CDHR5: variants seen among roughly 807,000 people sequenced by gnomAD.
CDHR5 encodes cadherin-related family member 5.
In CDHR5, 82 loss-of-function variants were observed where a neutral mutation model predicts 69.5. That is an observed-to-expected ratio of 1.18 (90% CI 0.99 to 1.42). The LOEUF (loss-of-function observed/expected upper bound fraction) is 1.42. Among genes scored for constraint, CDHR5 ranks in the 40% most tolerant of loss-of-function variants. CDHR5 has a pLI of 0.00. For synonymous variants in CDHR5, 601 were observed against 510.2 expected, an observed-to-expected ratio of 1.18 and a Z score of -2.40; for missense variants, 1,293 against 1,168.9, an observed-to-expected ratio of 1.11 and a Z score of -1.55.
Position 621,910 on chromosome 11 carries a change from G to T in CDHR5, c.313-6C>A, listed in dbSNP as rs776470583. On this transcript the variant is annotated splice_polypyrimidine_tract_variant and splice_region_variant and intron_variant, in intron 3 of 14. Coordinates refer to ENST00000397542, the MANE Select transcript of CDHR5 (RefSeq NM_021924.5). The surrounding 1 kb of genome is among the most constrained non-coding windows in gnomAD (Gnocchi z 4.4). ...AACACCCTTAGCTGGGTCACCTGCA[G>T]GATGTGGCCGTCAGCCTCTCCCACA... 9.9e-6 allele frequency: 16 copies of T among 1,609,756 alleles called. No homozygotes were observed. The Middle Eastern group carries it at 5.0e-4, about 50-fold the overall frequency.
At position 624,092 on chromosome 11, in the gene CDHR5, C is replaced by CGG. The variant is rs556866295; in HGVS notation, c.312+119_312+120dup. On this transcript the variant is annotated intron_variant, in intron 3 of 14. Transcript: ENST00000397542. The surrounding 1 kb of genome is among the most constrained non-coding windows in gnomAD (Gnocchi z 5.3). Reference sequence around the variant, plus strand: ...CTGGAGGAAATGTGGGCATCACCCTCGGGGGGGTGGAATTTGAAACCACAC... The same window carrying CGG: ...CTGGAGGAAATGTGGGCATCACCCTCGGGGGGGGGTGGAATTTGAAACCACAC... The CGG allele has an allele frequency of 4.6e-5, 30 of 649,082 alleles. No homozygotes were observed. The highest frequency in any genetic ancestry group is 2.8e-6 in the Non-Finnish European group (1 of 351,542). 40.2% of individuals were successfully genotyped at this position (649,082 alleles called of 1,614,324 possible). A position where few individuals can be genotyped will look rare whatever the true frequency, so the allele number is the denominator to read the frequency against.
At position 620,347 on chromosome 11, in the gene CDHR5, C is replaced by T; in HGVS notation, c.829G>A (p.Glu277Lys). 2.5e-6 allele frequency: 4 copies of T among 1,612,796 alleles called. No homozygotes were observed. Among genetic ancestry groups the T allele is most frequent in the Non-Finnish European group, 3.4e-6 (4 of 1,179,290 alleles). Residue 277 changes from glutamate (E) to lysine (K), a missense_variant, in exon 8 of 15, where the codon GAG (glutamate) becomes AAG (lysine). Glu to Lys is a moderately conservative substitution (Grantham distance 56, BLOSUM62 1). Transcript: ENST00000397542. ...TGGTTGATGCCGCGGTCTCCGTCCTCAGCGTAGATGGGTCCGGGACGCAGG... is the reference window on the plus strand; with the variant it reads ...TGGTTGATGCCGCGGTCTCCGTCCTTAGCGTAGATGGGTCCGGGACGCAGG... ...LVLRPGPIYAEDGDRGINQPI... is the reference protein window; with the variant it reads ...LVLRPGPIYAKDGDRGINQPI...
At position 619,068 on chromosome 11, in the gene CDHR5, C is replaced by T. The variant is rs555109659; in HGVS notation, c.1491G>A (p.Gly497=). The T allele has an allele frequency of 3.7e-6, 6 of 1,612,696 alleles. No individual in the cohort carries two copies. The East Asian group carries it at 1.3e-4, about 36-fold the overall frequency. The part of the protein sequence containing the change: ...PSQGPSTTSS[G]GGTGPHPPSG... Reference sequence around the variant, plus strand: ...AGGGTGGATGAGGGCCTGTGCCTCCCCCAGAGCTGGTCGTGGAGGGTCCCT... The same window carrying T: ...AGGGTGGATGAGGGCCTGTGCCTCCTCCAGAGCTGGTCGTGGAGGGTCCCT... The change falls in exon 13 of 15, where the codon GGG becomes GGA. Residue 497 remains glycine (G), a synonymous_variant. Transcript: ENST00000397542.
At position 621,677 on chromosome 11, in the gene CDHR5, G is replaced by A. The variant is rs761752875; in HGVS notation, c.406-14C>T. 1 of 1,602,448 alleles carries A rather than the reference G, an allele frequency of 6.2e-7. No homozygotes were observed. The highest frequency in any genetic ancestry group is 2.2e-5 in the East Asian group (1 of 44,824). On this transcript the variant is annotated splice_polypyrimidine_tract_variant and intron_variant, in intron 4 of 14. Coordinates refer to ENST00000397542, the MANE Select transcript of CDHR5 (RefSeq NM_021924.5). The surrounding 1 kb of genome is among the most constrained non-coding windows in gnomAD (Gnocchi z 4.4). The stretch of plus-strand genomic sequence containing the variant: ...CACTTTCGTGTCCTGGGGAGGGAGA[G>A]GGGCTTGGTCCGGCCACACTCTTGG...
chr11:620,603 C>T (rs774756068), intron 7 of CDHR5, among the ~76,000 whole-genome samples: 2 of 152,168 alleles, frequency 1.3e-5, no homozygotes, highest in Non-Finnish European at 2.9e-5. Flanking sequence ...TCCAGTGGCC[C>T]AAAGATACTG....
intron 11 of CDHR5, 21 bp downstream of exon 11, chr11:619,453 C>A (rs781034306): frequency 6.2e-7 from 1 of 1,606,580 alleles, no homozygotes; most frequent in Non-Finnish European, 8.5e-7. Flanking sequence ...CTTGGAGATG[C>A]CCGCCTGCCC....
chr11:621,392 G>C lies in CDHR5; in HGVS notation c.571C>G (p.Leu191Val). 1 of 1,613,058 alleles carries C rather than the reference G, an allele frequency of 6.2e-7. No individual in the cohort carries two copies. Among genetic ancestry groups the C allele is most frequent in the Non-Finnish European group, 8.5e-7 (1 of 1,179,998 alleles). ...NRPALRLDRP[L>V]DFYERPNMTF... ...ATGTTCGGCCGCTCGTAGAAGTCCA[G>C]GGGCCGGTCCAGCCTCAGGGCGGGA... Residue 191 changes from leucine (L) to valine (V), a missense_variant, in exon 6 of 15, where the codon CTG becomes GTG. By Grantham distance (32) the Leu-to-Val change is conservative. Coordinates refer to ENST00000397542, the MANE Select transcript of CDHR5 (RefSeq NM_021924.5). This position sits in a 1 kb window ranked among gnomAD's most constrained non-coding sequence, Gnocchi z 4.4.
Position 618,802 on chromosome 11 carries a change from A to G in CDHR5, c.1757T>C (p.Met586Thr), listed in dbSNP as rs1857157262. The G allele has an allele frequency of 1.2e-5, 19 of 1,538,748 alleles. No individual in the cohort carries two copies. The highest frequency in any genetic ancestry group is 1.7e-5 in the Non-Finnish European group (19 of 1,146,052). Residue 586 changes from methionine (M) to threonine (T), a missense_variant, in exon 13 of 15, where the codon ATG becomes ACG. Coordinates refer to ENST00000397542, the MANE Select transcript of CDHR5 (RefSeq NM_021924.5). The stretch of plus-strand genomic sequence containing the variant: ...TGGTTGGTGGGAGGTGCTGGTTCCC[A>G]TACTGGGGGGCATCGGCTGAGAGGT... ...PGTSQPMPPS[M>T]GTSTSHQPAT...
rs909901636 is a variant in CDHR5 at position 617,688 on chromosome 11, T to G, written c.2201A>C (p.His734Pro). ...ANWAPVPSPTHDPKPAEAPMP... is the reference protein window; with the variant it reads ...ANWAPVPSPTPDPKPAEAPMP... ...CGGTGCCTCCGCGGGCTTGGGGTCG[T>G]GCGTGGGGCTGGGGACGGGCGCCCA... Residue 734 changes from histidine (H) to proline (P), a missense_variant, in exon 15 of 15, where the codon CAC becomes CCC. Coordinates refer to ENST00000397542, the MANE Select transcript of CDHR5 (RefSeq NM_021924.5). The G allele has an allele frequency of 7.5e-6, 11 of 1,471,452 alleles. No homozygotes were observed. In the African/African-American group the frequency reaches 1.4e-4, roughly 19 times the overall value. The allele number at this position is 1,471,452 out of a possible 1,614,324, so 91.1% of individuals were successfully genotyped here.
chr11:624,487 G>A lies in CDHR5; in HGVS notation c.261+70C>T. Reference sequence around the variant, plus strand: ...GCATAGAACTCCTAGGCCCCCAAGGGAGGTGTGGCCTGAGGATGCAGGTGC... The same window carrying A: ...GCATAGAACTCCTAGGCCCCCAAGGAAGGTGTGGCCTGAGGATGCAGGTGC... On this transcript the variant is annotated intron_variant, in intron 2 of 14. Transcript: ENST00000397542. This position sits in a 1 kb window ranked among gnomAD's most constrained non-coding sequence, Gnocchi z 5.3. The A allele has an allele frequency of 6.8e-7, 1 of 1,468,696 alleles. No individual in the cohort carries two copies. Among genetic ancestry groups the A allele is most frequent in the Non-Finnish European group, 9.5e-7 (1 of 1,048,870 alleles). 91.0% of individuals were successfully genotyped at this position (1,468,696 alleles called of 1,614,324 possible).
chr11:617,700 G>A lies in CDHR5; in HGVS notation c.2189C>T (p.Pro730Leu). 1 of 1,463,322 alleles carries A rather than the reference G, an allele frequency of 6.8e-7. No individual in the cohort carries two copies. Among genetic ancestry groups the A allele is most frequent in the Non-Finnish European group, 9.0e-7 (1 of 1,115,064 alleles). 90.6% of individuals were successfully genotyped at this position (1,463,322 alleles called of 1,614,324 possible). A position where few individuals can be genotyped will look rare whatever the true frequency, so the allele number is the denominator to read the frequency against. Reference protein sequence around the residue: ...PDHKANWAPVPSPTHDPKPAE... With the variant: ...PDHKANWAPVLSPTHDPKPAE... ...GGGCTTGGGGTCGTGCGTGGGGCTG[G>A]GGACGGGCGCCCAGTTGGCCTTGTG... The change falls in exon 15 of 15, where the codon CCC (proline) becomes CTC (leucine). Residue 730 changes from proline (P) to leucine (L), a missense_variant. Coordinates refer to ENST00000397542, the MANE Select transcript of CDHR5 (RefSeq NM_021924.5).
At chr11:620,234 GT>G in intron 8 of CDHR5, 61 bp downstream of exon 8, 1 of 1,583,544 alleles carries the variant, frequency 6.3e-7, no homozygotes, top group Non-Finnish European at 8.7e-7. Context: ...TCTGCCCAAG[GT>G]GGGGATGGAG....
chr11:618,499 T>A lies in CDHR5; in HGVS notation c.1960+100A>T, dbSNP rs546057552. The A allele has an allele frequency of 3.6e-4, 499 of 1,389,872 alleles. 1 individual carries two copies. Among genetic ancestry groups the A allele is most frequent in the Non-Finnish European group, 4.7e-4 (469 of 1,007,606 alleles). The allele number at this position is 1,389,872 out of a possible 1,614,324, so 86.1% of individuals were successfully genotyped here. On this transcript the variant is annotated intron_variant, in intron 13 of 14. Coordinates refer to ENST00000397542, the MANE Select transcript of CDHR5 (RefSeq NM_021924.5). ...AAACAGACTCCTCTTTGGGATTTCA[T>A]GGTCAGGCCAGGTCAGCCTGGGGTG...
Position 617,574 on chromosome 11 carries a change from G to A in CDHR5, c.2315C>T (p.Thr772Met), listed in dbSNP as rs146458539. The part of the protein sequence containing the change: ...PAAARAGGSP[T>M]AVRSILTKER... Reference sequence around the variant, plus strand: ...CTTGGTCAGGATGGACCTCACCGCCGTGGGGCTTCCGCCAGCTCGGGCCGC... The same window carrying A: ...CTTGGTCAGGATGGACCTCACCGCCATGGGGCTTCCGCCAGCTCGGGCCGC... Residue 772 changes from threonine to methionine, a missense_variant, in exon 15 of 15, where the codon ACG becomes ATG. Transcript: ENST00000397542. 4.2e-5 allele frequency: 67 copies of A among 1,611,516 alleles called. No homozygotes were observed. The African/African-American group carries it at 7.5e-4, about 18-fold the overall frequency.
chr11:618,566 G>T, intron 13 of CDHR5, 33 bp downstream of exon 13: 2 of 1,610,720 alleles, frequency 1.2e-6, no homozygotes, highest in Non-Finnish European at 1.7e-6. Flanking sequence ...AATGACCGGA[G>T]TCAGGGAGGG....
intron 3 of CDHR5, among the ~76,000 whole-genome samples, chr11:623,499 C>T (rs927133701): frequency 1.3e-5 from 2 of 152,046 alleles, no homozygotes; most frequent in South Asian, 2.1e-4. Flanking sequence ...GTTGGGGGAG[C>T]GGGGCTGGGA....
intron 7 of CDHR5, 34 bp from the exon 8 acceptor site, chr11:620,420 G>C (rs1047513731): frequency 1.4e-6 from 2 of 1,472,586 alleles, no homozygotes; most frequent in African/African-American, 1.4e-5. Context: ...GCACGTCGTG[G>C]GGCTGGGGTG....
Position 621,041 on chromosome 11 carries a change from A to C in CDHR5, c.789+39T>G. On this transcript the variant is annotated intron_variant, in intron 7 of 14. Coordinates refer to ENST00000397542, the MANE Select transcript of CDHR5 (RefSeq NM_021924.5). The surrounding 1 kb of genome is among the most constrained non-coding windows in gnomAD (Gnocchi z 4.4). ...CCGTCCCTGTGTCCAGCCTGCCTAG[A>C]AGGCCCTGCCCCGTGCACTGCCCCT... 1.4e-6 allele frequency: 2 copies of C among 1,449,246 alleles called. No homozygotes were observed. The highest frequency in any genetic ancestry group is 1.8e-6 in the Non-Finnish European group (2 of 1,085,846). 89.8% of individuals were successfully genotyped at this position (1,449,246 alleles called of 1,614,324 possible).
chr11:622,886 G>GT (rs763634594), intron 3 of CDHR5, among the ~76,000 whole-genome samples: 2 of 152,156 alleles, frequency 1.3e-5, no homozygotes, highest in Admixed American at 6.5e-5. Flanking sequence ...TCTCTGAAGG[G>GT]TTTTTTAACA....
Sources: gnomAD v4.1 joint callset for allele counts (sites outside exome capture counted in the v4.1 genomes callset) on GRCh38, gnomAD v4.1.1 for gene constraint, Gnocchi (gnomAD v3.1) non-coding constraint, MANE v1.5 for transcripts, NCBI Gene and HGNC (gene_info 2026-07-23, HGNC 2026-07-21) for gene names.